SLC35F1: variants seen among roughly 807,000 people sequenced by gnomAD.
The protein encoded by SLC35F1 is chromosome 6 open reading frame 169.
SLC35F1 carries 14 observed loss-of-function variants against 48.7 expected under a neutral mutation model. The observed-to-expected ratio is 0.29, with a 90% CI of 0.19 to 0.45. SLC35F1 has a LOEUF of 0.45. SLC35F1 is among the 20% of genes least tolerant of loss of function. SLC35F1 has a pLI of 1.00. For missense variants in SLC35F1, 404 were observed against 500.0 expected (o/e 0.81, Z 1.83); for synonymous variants, 190 against 202.2 (o/e 0.94, Z 0.51).
chr6:118,042,699 A>G (rs1772243667), intron 1 of SLC35F1, among the ~76,000 whole-genome samples: 1 of 152,176 alleles, frequency 6.6e-6, no homozygotes, highest in African/African-American at 2.4e-5. Context: ...CTGTTGCAAT[A>G]GTCCAGATGA....
At chr6:118,035,841 CA>C (rs202133403) in intron 1 of SLC35F1, among the ~76,000 whole-genome samples, 50,317 of 144,396 alleles carry the variant, frequency 0.35, 8,623 homozygotes, top group South Asian at 0.49. Flanking sequence ...GGCGCCCCCC[CA>C]ACCACGCCCG....
intron 7 of SLC35F1, among the ~76,000 whole-genome samples, chr6:118,288,167 T>G (rs1293655325): frequency 6.6e-6 from 1 of 152,226 alleles, no homozygotes; most frequent in Non-Finnish European, 1.5e-5. Context: ...ATGAATATAC[T>G]TGTAGATTCA....
intron 1 of SLC35F1, among the ~76,000 whole-genome samples, chr6:118,146,150 T>A (rs1415951903): frequency 6.6e-6 from 1 of 152,194 alleles, no homozygotes; most frequent in Non-Finnish European, 1.5e-5. Flanking sequence ...ATGCCTCATT[T>A]GCAGAAAGAG....
chr6:118,305,870 G>C (rs989919232), intron 7 of SLC35F1, among the ~76,000 whole-genome samples: 8 of 152,152 alleles, frequency 5.3e-5, no homozygotes, highest in African/African-American at 1.9e-4. Context: ...TGTGGTTTCT[G>C]TATTCCCTGG....
At chr6:118,215,409 T>C (rs1276798677) in intron 2 of SLC35F1, among the ~76,000 whole-genome samples, 2 of 152,048 alleles carry the variant, frequency 1.3e-5, no homozygotes, top group Non-Finnish European at 2.9e-5. Flanking sequence ...TTAACTAATA[T>C]GTATTAAAGG....
At chr6:118,127,820 T>C (rs934117343) in intron 1 of SLC35F1, among the ~76,000 whole-genome samples, 8 of 151,022 alleles carry the variant, frequency 5.3e-5, no homozygotes, top group Admixed American at 5.3e-4. Context: ...GGGATCTAAT[T>C]AAACTAAAGA....
chr6:118,156,347 A>G (rs1173598088), intron 2 of SLC35F1, among the ~76,000 whole-genome samples: 1 of 151,520 alleles, frequency 6.6e-6, no homozygotes, highest in Non-Finnish European at 1.5e-5. Flanking sequence ...CATGTGCCCA[A>G]GGTGGTCGGG....
chr6:118,068,934 A>G (rs192368125), intron 1 of SLC35F1, among the ~76,000 whole-genome samples: 158 of 152,332 alleles, frequency 1.0e-3, no homozygotes, highest in African/African-American at 3.7e-3. Context: ...TTTAAAAGTC[A>G]ATCAATTAAA....
intron 1 of SLC35F1, among the ~76,000 whole-genome samples, chr6:117,995,233 A>T (rs1776969411): frequency 6.6e-6 from 1 of 152,174 alleles, no homozygotes; most frequent in African/African-American, 2.4e-5. Context: ...ATTTTCTACC[A>T]CTGAAATGTA....
intron 2 of SLC35F1, among the ~76,000 whole-genome samples, chr6:118,171,891 A>T (rs1774409941): frequency 1.3e-5 from 2 of 152,178 alleles, no homozygotes; most frequent in Non-Finnish European, 2.9e-5. Context: ...TAGTGCAAAA[A>T]AAGGGAAAAC....
At chr6:118,092,432 C>T (rs1057431407) in intron 1 of SLC35F1, among the ~76,000 whole-genome samples, 3 of 152,174 alleles carry the variant, frequency 2.0e-5, no homozygotes, top group Non-Finnish European at 4.4e-5. Flanking sequence ...ATGGGCAAGG[C>T]CCTCATGGAG....
chr6:118,237,218 G>T (rs1249403489), intron 3 of SLC35F1, among the ~76,000 whole-genome samples: 1 of 151,866 alleles, frequency 6.6e-6, no homozygotes, highest in East Asian at 1.9e-4. Context: ...GCATAAATTA[G>T]CATTTAGACA....
intron 2 of SLC35F1, among the ~76,000 whole-genome samples, chr6:118,222,968 G>A (rs780081258): frequency 1.3e-4 from 20 of 152,112 alleles, no homozygotes; most frequent in Non-Finnish European, 2.8e-4. Flanking sequence ...GTTTCTTTTA[G>A]TGGAAATGTA....
chr6:118,216,802 C>A (rs981970463), intron 2 of SLC35F1, among the ~76,000 whole-genome samples: 2 of 152,136 alleles, frequency 1.3e-5, no homozygotes, highest in Non-Finnish European at 2.9e-5. Context: ...GTGGAAGTAT[C>A]ACATGGATAT....
At chr6:118,171,803 C>G (rs1774407938) in intron 2 of SLC35F1, among the ~76,000 whole-genome samples, 1 of 151,910 alleles carries the variant, frequency 6.6e-6, no homozygotes. Flanking sequence ...TCATAATGAT[C>G]TTGGTGTAAG....
At chr6:117,914,110 CT>C (rs1195172141) in intron 1 of SLC35F1, among the ~76,000 whole-genome samples, 3 of 151,638 alleles carry the variant, frequency 2.0e-5, no homozygotes, top group Non-Finnish European at 4.4e-5. Flanking sequence ...ATCTATCTAT[CT>C]ATCTATCTAT....
chr6:118,155,476 G>A (rs1376600353), intron 2 of SLC35F1, among the ~76,000 whole-genome samples: 1 of 152,150 alleles, frequency 6.6e-6, no homozygotes, highest in Non-Finnish European at 1.5e-5. Flanking sequence ...GCCCTCTCCT[G>A]CTCTCTCATG....
chr6:118,256,205 GGTGTGTGTGTGTGTGTGT>G (rs71554895), intron 3 of SLC35F1, among the ~76,000 whole-genome samples: 8 of 143,126 alleles, frequency 5.6e-5, no homozygotes, highest in South Asian at 2.3e-4. Context: ...GAAGACTTCT[GGTGTGTGTGTGTGTGTGT>G]GTGTGTGTGT....
intron 4 of SLC35F1, among the ~76,000 whole-genome samples, chr6:118,273,887 C>G (rs902764191): frequency 5.9e-5 from 9 of 152,202 alleles, no homozygotes; most frequent in African/African-American, 1.9e-4. Flanking sequence ...ATCTCTTCCC[C>G]TCTATCTCCA....
Sources: gnomAD v4.1 joint callset for allele counts (sites outside exome capture counted in the v4.1 genomes callset) on GRCh38, gnomAD v4.1.1 for gene constraint, MANE v1.5 for transcripts, NCBI Gene and HGNC (gene_info 2026-07-23, HGNC 2026-07-21) for gene names.